Variants in CNTNAP2 observed in about 807,000 individuals in gnomAD.
The protein encoded by CNTNAP2 is contactin associated protein 2.
Under a neutral mutation model 155.2 loss-of-function variants are expected in CNTNAP2, and 98 were observed. The observed-to-expected ratio is 0.63, with a 90% CI of 0.54 to 0.75. CNTNAP2 has a LOEUF of 0.75. Among genes scored for constraint, CNTNAP2 ranks in the 30% least tolerant of loss-of-function variants. CNTNAP2 has a pLI of 0.00. For missense variants in CNTNAP2, 1,727 were observed against 1,688.1 expected, an observed-to-expected ratio of 1.02 and a Z score of -0.40; for synonymous variants, 651 against 631.2, an observed-to-expected ratio of 1.03 and a Z score of -0.47.
At chr7:147,234,378 C>T (rs1377006276) in intron 8 of CNTNAP2, among the ~76,000 whole-genome samples, 3 of 129,882 alleles carry the variant, frequency 2.3e-5, no homozygotes, top group Non-Finnish European at 3.1e-5. Context: ...TGCTCTGTCA[C>T]TCAGGCTGGA....
At chr7:147,187,985 C>T (rs563424064) in intron 8 of CNTNAP2, among the ~76,000 whole-genome samples, 179 of 152,056 alleles carry the variant, frequency 1.2e-3, no homozygotes, top group South Asian at 2.5e-3. Context: ...CATTTAAGCC[C>T]GGGAGGTGTA....
At chr7:147,932,969 A>G (rs1800532795) in intron 14 of CNTNAP2, among the ~76,000 whole-genome samples, 1 of 152,218 alleles carries the variant, frequency 6.6e-6, no homozygotes, top group South Asian at 2.1e-4. Flanking sequence ...AGATTGTTCA[A>G]CATCACTAAT....
chr7:146,614,190 C>T (rs1799185988), intron 1 of CNTNAP2, among the ~76,000 whole-genome samples: 2 of 152,112 alleles, frequency 1.3e-5, no homozygotes, highest in African/African-American at 4.8e-5. Context: ...TGACTTAAAA[C>T]TCCTCTTAGA....
At chr7:148,289,827 A>G (rs1329872435) in intron 21 of CNTNAP2, among the ~76,000 whole-genome samples, 1 of 152,226 alleles carries the variant, frequency 6.6e-6, no homozygotes, top group Admixed American at 6.5e-5. Context: ...AACAGAGACC[A>G]GACGTTCCCT....
intron 9 of CNTNAP2, among the ~76,000 whole-genome samples, chr7:147,354,587 T>A (rs570126482): frequency 2.0e-5 from 3 of 152,266 alleles, no homozygotes; most frequent in African/African-American, 7.2e-5. Flanking sequence ...ACGGCTTTGC[T>A]CTTTTTGCTT....
At chr7:146,768,815 G>A (rs957991087) in intron 1 of CNTNAP2, among the ~76,000 whole-genome samples, 6 of 152,144 alleles carry the variant, frequency 3.9e-5, no homozygotes, top group African/African-American at 1.4e-4. Context: ...TCTATTTGAA[G>A]TGTTATAGTT....
At chr7:147,775,126 A>G (rs142693468) in intron 13 of CNTNAP2, among the ~76,000 whole-genome samples, 6 of 149,016 alleles carry the variant, frequency 4.0e-5, no homozygotes, top group Non-Finnish European at 7.4e-5. Context: ...GTCTTTTCAC[A>G]ATATCTTATG....
At chr7:147,221,693 C>T (rs1209903916) in intron 8 of CNTNAP2, among the ~76,000 whole-genome samples, 1 of 152,206 alleles carries the variant, frequency 6.6e-6, no homozygotes, top group African/African-American at 2.4e-5. Flanking sequence ...CTCTTCCATT[C>T]TTTGCATACA....
intron 4 of CNTNAP2, among the ~76,000 whole-genome samples, chr7:147,052,690 T>C (rs1346737564): frequency 6.6e-6 from 1 of 151,974 alleles, no homozygotes; most frequent in African/African-American, 2.4e-5. Context: ...GGGTTATGTA[T>C]ATGGATTGCT....
At chr7:147,652,660 A>G (rs537897152) in intron 13 of CNTNAP2, among the ~76,000 whole-genome samples, 4 of 152,218 alleles carry the variant, frequency 2.6e-5, no homozygotes, top group African/African-American at 9.6e-5. Flanking sequence ...CAAGATTAAA[A>G]TCTAGGTTTA....
At chr7:146,422,167 T>A (rs1796021878) in intron 1 of CNTNAP2, among the ~76,000 whole-genome samples, 2 of 151,508 alleles carry the variant, frequency 1.3e-5, no homozygotes, top group Non-Finnish European at 3.0e-5. Context: ...GGTTGTGAAT[T>A]CTGAGATTTT....
chr7:146,692,669 C>T (rs952934027), intron 1 of CNTNAP2, among the ~76,000 whole-genome samples: 10 of 152,114 alleles, frequency 6.6e-5, no homozygotes, highest in Non-Finnish European at 1.3e-4. Flanking sequence ...CCCTTGATCA[C>T]TGTAAGCATC....
intron 12 of CNTNAP2, among the ~76,000 whole-genome samples, chr7:147,608,243 A>G (rs1801111123): frequency 6.6e-6 from 1 of 151,756 alleles, no homozygotes. Flanking sequence ...TTTAAGAAGT[A>G]CCTTGCACCT....
intron 13 of CNTNAP2, among the ~76,000 whole-genome samples, chr7:147,700,109 A>G (rs140677788): frequency 6.6e-6 from 1 of 152,160 alleles, no homozygotes; most frequent in Non-Finnish European, 1.5e-5. Context: ...AATGACCAGA[A>G]TCATACCTAG....
At chr7:146,577,098 T>C (rs1171399350) in intron 1 of CNTNAP2, among the ~76,000 whole-genome samples, 1 of 152,168 alleles carries the variant, frequency 6.6e-6, no homozygotes, top group Non-Finnish European at 1.5e-5. Flanking sequence ...TAGCCTAATA[T>C]AATAAATTCT....
At chr7:147,987,318 T>G (rs1164313528) in intron 15 of CNTNAP2, among the ~76,000 whole-genome samples, 1 of 152,248 alleles carries the variant, frequency 6.6e-6, no homozygotes, top group Non-Finnish European at 1.5e-5. Flanking sequence ...CAACTTCAGC[T>G]GCAAACTCAC....
intron 2 of CNTNAP2, among the ~76,000 whole-genome samples, chr7:146,820,273 T>C (rs1803252185): frequency 6.6e-6 from 1 of 152,126 alleles, no homozygotes; most frequent in South Asian, 2.1e-4. Context: ...TAAAAATAAA[T>C]TTTATAAGCA....
At chr7:147,092,657 TAGCTTTAAAAAATTCTG>T (rs1444754922) in intron 4 of CNTNAP2, among the ~76,000 whole-genome samples, 1 of 152,156 alleles carries the variant, frequency 6.6e-6, no homozygotes, top group Non-Finnish European at 1.5e-5. Context: ...AATCATCAAA[TAGCTTTAAAAAATTCTG>T]AGCTTCACCA....
At chr7:147,601,136 A>G (rs577424581) in intron 12 of CNTNAP2, among the ~76,000 whole-genome samples, 1 of 152,136 alleles carries the variant, frequency 6.6e-6, no homozygotes, top group African/African-American at 2.4e-5. Flanking sequence ...ATGTTGTTTT[A>G]TTTGTACCTC....
Sources: gnomAD v4.1 joint callset for allele counts (sites outside exome capture counted in the v4.1 genomes callset) on GRCh38, gnomAD v4.1.1 for gene constraint, MANE v1.5 for transcripts, NCBI Gene and HGNC (gene_info 2026-07-23, HGNC 2026-07-21) for gene names.